Variants in NAALADL2 observed in about 807,000 individuals in gnomAD.
The protein encoded by NAALADL2 is N-acetylated alpha-linked acidic dipeptidase like 2.
A neutral mutation model predicts 87.2 loss-of-function variants in NAALADL2; 76 were observed. That is an observed-to-expected ratio of 0.87 (90% CI 0.72 to 1.05). The LOEUF (loss-of-function observed/expected upper bound fraction) is 1.05, where lower values mean the gene tolerates loss of function less well. Ranked by LOEUF, NAALADL2 falls within the 50% of genes least tolerant of loss-of-function variation. The probability of loss-of-function intolerance (pLI) is 0.00; values close to 1 mark genes in which losing one functional copy is unlikely to be tolerated. For missense variants in NAALADL2, 1,089 were observed against 945.8 expected, an observed-to-expected ratio of 1.15 and a Z score of -1.99; for synonymous variants, 354 against 331.0, an observed-to-expected ratio of 1.07 and a Z score of -0.75.
intron 2 of NAALADL2, among the ~76,000 whole-genome samples, chr3:174,690,233 G>A (rs1578557917): frequency 6.6e-6 from 1 of 151,974 alleles, no homozygotes; most frequent in East Asian, 1.9e-4. Context: ...ACAATTTTTT[G>A]TGATTAAAGT....
Position 174,960,233 on chromosome 3 carries a change from A to C in NAALADL2, c.43+100783A>C, listed in dbSNP as rs183376047. ...CCAGTCATCATCATCCTCATCTATAAAATTAGGTGCTTAGAAGATTGTTGA... is the reference window on the plus strand; with the variant it reads ...CCAGTCATCATCATCCTCATCTATACAATTAGGTGCTTAGAAGATTGTTGA... On this transcript the variant is annotated intron_variant, in intron 1 of 13. Coordinates refer to ENST00000454872, the MANE Select transcript of NAALADL2 (RefSeq NM_207015.3). 2.4e-4 allele frequency among the ~76,000 whole-genome samples: 37 copies of C among 152,186 alleles called. 1 individual carries two copies. The East Asian group carries it at 6.8e-3, about 28-fold the overall frequency.
chr3:175,183,789 G>A (rs529046886), intron 2 of NAALADL2, among the ~76,000 whole-genome samples: 3 of 152,076 alleles, frequency 2.0e-5, no homozygotes, highest in East Asian at 1.9e-4. Context: ...CTTGATTTTT[G>A]TATTTTCCAA....
chr3:174,683,629 GGTGT>G (rs10522220), intron 2 of NAALADL2, among the ~76,000 whole-genome samples: 19,229 of 146,778 alleles, frequency 0.13, 1,429 homozygotes, highest in South Asian at 0.3. Context: ...CAGAACTTCT[GGTGT>G]GTGTGTGTGT....
chr3:174,544,567 C>CTTTTTTTTTTTTTTTTTTTTTTTT (rs10575227), intron 1 of NAALADL2, among the ~76,000 whole-genome samples: 2 of 115,166 alleles, frequency 1.7e-5, no homozygotes, highest in Non-Finnish European at 3.5e-5. Context: ...TTTTTGTTTT[C>CTTTTTTTTTTTTTTTTTTTTTTTT]TTTTTTTTTT....
intron 3 of NAALADL2, among the ~76,000 whole-genome samples, chr3:174,740,355 C>T (rs772970763): frequency 1.3e-5 from 2 of 151,822 alleles, no homozygotes; most frequent in Non-Finnish European, 3.0e-5. Context: ...AACCCTCAGA[C>T]CTGAATTCCT....
At chr3:174,942,977 G>A (rs1738839928) in intron 1 of NAALADL2, among the ~76,000 whole-genome samples, 2 of 152,204 alleles carry the variant, frequency 1.3e-5, no homozygotes, top group Middle Eastern at 3.4e-3. Context: ...GGGTTTTGCT[G>A]TCCTCCTAAA....
chr3:175,481,345 G>C, intron 9 of NAALADL2, among the ~76,000 whole-genome samples: 1 of 149,424 alleles, frequency 6.7e-6, no homozygotes, highest in Non-Finnish European at 1.5e-5. Flanking sequence ...CTGTGTGTGT[G>C]TGTGTGTGTG....
intron 1 of NAALADL2, among the ~76,000 whole-genome samples, chr3:174,900,758 TA>T (rs1266781925): frequency 2.0e-5 from 3 of 151,986 alleles, no homozygotes; most frequent in Admixed American, 1.3e-4. Flanking sequence ...ACTGGCTACT[TA>T]AAAAAATTAA....
At chr3:175,374,986 C>T (rs1766971005) in intron 5 of NAALADL2, among the ~76,000 whole-genome samples, 1 of 152,090 alleles carries the variant, frequency 6.6e-6, no homozygotes, top group African/African-American at 2.4e-5. Flanking sequence ...CTTGAAAATA[C>T]ATTTTTTCCC....
chr3:174,985,001 C>T (rs1253099122), intron 1 of NAALADL2, among the ~76,000 whole-genome samples: 1 of 152,142 alleles, frequency 6.6e-6, no homozygotes, highest in Non-Finnish European at 1.5e-5. Context: ...AAGGTATATA[C>T]TGAGGTGCTT....
intron 10 of NAALADL2, among the ~76,000 whole-genome samples, chr3:175,590,491 T>A (rs1721273088): frequency 6.6e-6 from 1 of 152,072 alleles, no homozygotes; most frequent in Non-Finnish European, 1.5e-5. Context: ...CAAGACATTA[T>A]AAATTTGTGA....
chr3:174,770,847 CAAA>C (rs11348105), intron 3 of NAALADL2, among the ~76,000 whole-genome samples: 1 of 136,462 alleles, frequency 7.3e-6, no homozygotes. Context: ...CTCGGTCTAA[CAAA>C]AAAAAAAAAG....
intron 5 of NAALADL2, among the ~76,000 whole-genome samples, chr3:175,341,859 T>G (rs1762599231): frequency 6.6e-6 from 1 of 152,148 alleles, no homozygotes; most frequent in Non-Finnish European, 1.5e-5. Context: ...TGGTATGATG[T>G]AGGAGTCCAA....
At chr3:175,300,828 C>T (rs951120727) in intron 4 of NAALADL2, among the ~76,000 whole-genome samples, 2 of 150,718 alleles carry the variant, frequency 1.3e-5, no homozygotes, top group African/African-American at 2.4e-5. Flanking sequence ...CTGCAACCTC[C>T]GCCTCCCAGG....
intron 4 of NAALADL2, among the ~76,000 whole-genome samples, chr3:175,299,388 G>C (rs979352096): frequency 6.6e-6 from 1 of 151,962 alleles, no homozygotes; most frequent in African/African-American, 2.4e-5. Context: ...GGCCAGTATG[G>C]CCATTTTCAT....
intron 4 of NAALADL2, among the ~76,000 whole-genome samples, chr3:175,305,324 G>C (rs1757576341): frequency 6.6e-6 from 1 of 151,626 alleles, no homozygotes; most frequent in Non-Finnish European, 1.5e-5. Context: ...CTCTCTAACT[G>C]AACTTTATTA....
At chr3:175,004,810 G>A (rs1748798882) in intron 1 of NAALADL2, among the ~76,000 whole-genome samples, 1 of 151,684 alleles carries the variant, frequency 6.6e-6, no homozygotes, top group Non-Finnish European at 1.5e-5. Context: ...CATAAATGCA[G>A]TTCTTGTTTA....
intron 9 of NAALADL2, chr3:175,487,595 C>T (rs980237324): frequency 4.9e-5 from 22 of 453,510 alleles, no homozygotes; most frequent in Middle Eastern, 3.3e-4. Context: ...GAAGAGAATT[C>T]TTCCTCTTCT....
intron 6 of NAALADL2, among the ~76,000 whole-genome samples, chr3:175,449,451 A>G (rs1270183496): frequency 7.3e-6 from 1 of 136,518 alleles, no homozygotes; most frequent in Non-Finnish European, 1.5e-5. Flanking sequence ...ACTGCAGTGC[A>G]GTGGCACAGT....
Sources: gnomAD v4.1 joint callset for allele counts (sites outside exome capture counted in the v4.1 genomes callset) on GRCh38, gnomAD v4.1.1 for gene constraint, MANE v1.5 for transcripts, NCBI Gene and HGNC (gene_info 2026-07-23, HGNC 2026-07-21) for gene names.